Variants in WDR93 observed in about 807,000 individuals in gnomAD.
WDR93 encodes WD repeat-containing protein 93.
In WDR93, 73 loss-of-function variants were observed where a neutral mutation model predicts 82.9. The ratio of observed to expected loss-of-function variants is 0.88; its 90% CI spans 0.73 to 1.07. The LOEUF is 1.07. Among genes scored for constraint, WDR93 ranks in the 50% least tolerant of loss-of-function variants. WDR93 has a pLI of 0.00. For missense variants in WDR93, 738 were observed against 826.0 expected (o/e 0.89, Z 1.31); for synonymous variants, 283 against 300.1 (o/e 0.94, Z 0.59).
At position 89,715,019 on chromosome 15, in the gene WDR93, A is replaced by G. The variant is rs556337770; in HGVS notation, c.680A>G (p.Lys227Arg). Residue 227 changes from lysine (K) to arginine (R), a missense_variant, in exon 6 of 17, where the codon AAG becomes AGG. By Grantham distance (26) the Lys-to-Arg change is conservative (BLOSUM62 2). Transcript: ENST00000268130. Reference sequence around the variant, plus strand: ...TGGCTGGATGTGTATAAATTGCCCAAGGAGACTTGGCTCAAGAAACTAGAG... The same window carrying G: ...TGGCTGGATGTGTATAAATTGCCCAGGGAGACTTGGCTCAAGAAACTAGAG... ...DIWLDVYKLP[K>R]ETWLKKLEHP... is the part of the protein sequence containing the mutation. 6.8e-6 allele frequency: 11 copies of G among 1,614,088 alleles called. No homozygotes were observed. In the South Asian group the frequency reaches 7.7e-5, roughly 11 times the overall value.
In WDR93 at chr15:89,701,728, C is replaced by A. The variant is rs749596196; in HGVS notation, c.-19C>A. ...TCAGCTTTTCAGTTTCATAGAGGTT[C>A]CCAGTGCCACCTTCTGTGATGTCAT... On this transcript the variant is annotated 5_prime_UTR_variant, in exon 2 of 17. Transcript: ENST00000268130. 1.3e-6 allele frequency: 2 copies of A among 1,599,482 alleles called. No individual in the cohort carries two copies. Among genetic ancestry groups the A allele is most frequent in the African/African-American group, 2.7e-5 (2 of 74,504 alleles).
chr15:89,717,045 C>CTTTTTTT (rs11457156), intron 7 of WDR93, 96 bp downstream of exon 7: 31 of 172,150 alleles, frequency 1.8e-4, no homozygotes, highest in African/African-American at 6.9e-4. Context: ...CTTTTTCTTT[C>CTTTTTTT]TTTTTTTTTT....
At chr15:89,706,607 T>G (rs984257296) in intron 4 of WDR93, among the ~76,000 whole-genome samples, 2 of 152,124 alleles carry the variant, frequency 1.3e-5, no homozygotes, top group Middle Eastern at 6.8e-3. Context: ...ACACCATATA[T>G]AAAAATTAAT....
chr15:89,717,706 A>G (rs749823307), intron 7 of WDR93, among the ~76,000 whole-genome samples: 4 of 152,130 alleles, frequency 2.6e-5, no homozygotes. Context: ...CTCTGTCACA[A>G]TTTCCTCCAT....
chr15:89,715,341 T>A (rs933555429), intron 6 of WDR93, among the ~76,000 whole-genome samples: 2 of 152,188 alleles, frequency 1.3e-5, no homozygotes, highest in African/African-American at 4.8e-5. Flanking sequence ...CTGAGACCAC[T>A]CCCAGGCATT....
At chr15:89,742,142 G>A (rs756658537) in intron 16 of WDR93, among the ~76,000 whole-genome samples, 1 of 152,162 alleles carries the variant, frequency 6.6e-6, no homozygotes, top group Non-Finnish European at 1.5e-5. Flanking sequence ...AATCCCAGCA[G>A]TTTGGGAGAC....
At chr15:89,703,312 C>T in intron 3 of WDR93, 170 bp downstream of exon 3, 3 of 697,366 alleles carry the variant, frequency 4.3e-6, no homozygotes, top group Non-Finnish European at 4.8e-6. Flanking sequence ...ACTGTTCTAC[C>T]ATTTCACATG....
In WDR93 at chr15:89,727,227, G is replaced by A; in HGVS notation, c.951G>A (p.Gln317=). ...ACTGCTACGGACTGGGCTCCGGGCA[G>A]AATCATTTCATCAAGGACAGTCAGT... is the stretch of plus-strand genomic sequence containing the variant. ...IKDCYGLGSG[Q]NHFIKDSQWE... The change falls in exon 9 of 17, where the codon CAG becomes CAA. Residue 317 remains glutamine, a synonymous_variant. Coordinates refer to ENST00000268130, the MANE Select transcript of WDR93 (RefSeq NM_020212.2). 6.2e-7 allele frequency: 1 copy of A among 1,614,192 alleles called. No homozygotes were observed.
chr15:89,731,606 T>C, intron 12 of WDR93, 44 bp downstream of exon 12: 1 of 1,611,898 alleles, frequency 6.2e-7, no homozygotes, highest in Non-Finnish European at 8.5e-7. Flanking sequence ...GGTGGGACTC[T>C]GGGCAATGAG....
At chr15:89,732,982 G>C (rs374598572) in intron 12 of WDR93, 24 bp from the exon 13 acceptor site, 2 of 1,611,422 alleles carry the variant, frequency 1.2e-6, no homozygotes, top group African/African-American at 2.7e-5. Flanking sequence ...TTTTCTGACC[G>C]GCTTGTGTGA....
chr15:89,715,288 T>C (rs1426511643), intron 6 of WDR93, among the ~76,000 whole-genome samples, 193 bp downstream of exon 6: 1 of 152,184 alleles, frequency 6.6e-6, no homozygotes, highest in African/African-American at 2.4e-5. Context: ...GTGTCTTCAG[T>C]AGTGGGAATC....
intron 4 of WDR93, among the ~76,000 whole-genome samples, chr15:89,706,336 A>G (rs1462728842): frequency 6.6e-6 from 1 of 151,476 alleles, no homozygotes; most frequent in Non-Finnish European, 1.5e-5. Context: ...TTTTTCTTAA[A>G]TAGAGACAGG....
At chr15:89,704,015 A>C (rs1171251301) in intron 3 of WDR93, 1 of 152,184 alleles carries the variant, frequency 6.6e-6, no homozygotes, top group Admixed American at 6.6e-5. Context: ...ATCTGAACCA[A>C]GACAGGGGCT....
intron 6 of WDR93, 141 bp downstream of exon 6, chr15:89,715,236 A>G: frequency 1.5e-6 from 1 of 657,582 alleles, no homozygotes; most frequent in Non-Finnish European, 2.5e-6. Flanking sequence ...CTGTCTCCCA[A>G]GTCAATTTCC....
intron 7 of WDR93, among the ~76,000 whole-genome samples, chr15:89,718,542 GGCTTGA>G (rs1187321549): frequency 1.3e-5 from 2 of 152,078 alleles, no homozygotes; most frequent in African/African-American, 4.8e-5. Flanking sequence ...GTGGGTGGAT[GGCTTGA>G]GCCCTGGAGT....
intron 4 of WDR93, among the ~76,000 whole-genome samples, chr15:89,711,570 C>T (rs1350537756): frequency 6.6e-6 from 1 of 151,962 alleles, no homozygotes; most frequent in Non-Finnish European, 1.5e-5. Flanking sequence ...CATTGAGCCC[C>T]TCTGACCTTA....
rs1318130423 is a variant in WDR93 at position 89,737,566 on chromosome 15, T to C, written c.1609-7T>C. ...GAAGCCCCCCTCACCATCTCTTTGCTTCCCAGGTGCTCATCTTTTCCAAGA... is the reference window on the plus strand; with the variant it reads ...GAAGCCCCCCTCACCATCTCTTTGCCTCCCAGGTGCTCATCTTTTCCAAGA... On this transcript the variant is annotated splice_polypyrimidine_tract_variant and splice_region_variant and intron_variant, in intron 14 of 16. Coordinates refer to ENST00000268130, the MANE Select transcript of WDR93 (RefSeq NM_020212.2). 6.2e-7 allele frequency: 1 copy of C among 1,614,202 alleles called. No homozygotes were observed. The highest frequency in any genetic ancestry group is 8.5e-7 in the Non-Finnish European group (1 of 1,180,018).
intron 8 of WDR93, among the ~76,000 whole-genome samples, chr15:89,724,676 A>C (rs1219423856): frequency 6.6e-6 from 1 of 152,238 alleles, no homozygotes; most frequent in Non-Finnish European, 1.5e-5. Context: ...TCACAAAAAA[A>C]AGATTATTTA....
intron 11 of WDR93, 30 bp from the exon 12 acceptor site, chr15:89,731,413 G>GA (rs397733646): frequency 1.2e-6 from 2 of 1,613,066 alleles, no homozygotes; most frequent in Non-Finnish European, 1.7e-6. Flanking sequence ...GAGTCTGGGG[G>GA]AACCGGTTGA....
Sources: allele counts gnomAD v4.1 joint callset (sites outside exome capture counted in the v4.1 genomes callset), GRCh38; gene constraint gnomAD v4.1.1; transcripts MANE v1.5; gene names NCBI Gene and HGNC (gene_info 2026-07-23, HGNC 2026-07-21).